Variants in ADGRL3 observed in about 807,000 individuals in gnomAD.
ADGRL3 encodes the protein adhesion G protein-coupled receptor L3.
A neutral mutation model predicts 153.5 loss-of-function variants in ADGRL3; 62 were observed. The ratio of observed to expected loss-of-function variants is 0.40; its 90% CI spans 0.33 to 0.50. The LOEUF is 0.50. Among genes scored for constraint, ADGRL3 ranks in the 20% least tolerant of loss-of-function variants. ADGRL3 has a pLI of 0.47. For synonymous variants in ADGRL3, 710 were observed against 672.5 expected, an observed-to-expected ratio of 1.06 and a Z score of -0.86; for missense variants, 1,641 against 1,859.4, an observed-to-expected ratio of 0.88 and a Z score of 2.16.
chr4:61,765,363 C>T (rs1489379781), intron 8 of ADGRL3, among the ~76,000 whole-genome samples: 1 of 152,078 alleles, frequency 6.6e-6, no homozygotes, highest in Non-Finnish European at 1.5e-5. Flanking sequence ...GGGCTGTACC[C>T]TGTAGCATTC....
At chr4:61,830,694 G>A (rs2097858730) in intron 9 of ADGRL3, among the ~76,000 whole-genome samples, 2 of 152,108 alleles carry the variant, frequency 1.3e-5, no homozygotes, top group Admixed American at 6.5e-5. Context: ...GTAGGAAACC[G>A]AATGCTACAG....
At chr4:61,298,989 A>C (rs1168529532) in intron 1 of ADGRL3, among the ~76,000 whole-genome samples, 2 of 152,202 alleles carry the variant, frequency 1.3e-5, no homozygotes, top group African/African-American at 4.8e-5. Flanking sequence ...AATACCTTTA[A>C]TGCATGCAAG....
At chr4:61,840,240 C>A (rs112370948) in intron 9 of ADGRL3, among the ~76,000 whole-genome samples, 2 of 152,038 alleles carry the variant, frequency 1.3e-5, no homozygotes, top group African/African-American at 4.8e-5. Context: ...CCACCATGTC[C>A]GGCTAATTTT....
chr4:61,776,745 C>T (rs909573736), intron 8 of ADGRL3, among the ~76,000 whole-genome samples: 1 of 152,108 alleles, frequency 6.6e-6, no homozygotes, highest in African/African-American at 2.4e-5. Context: ...ATGAAATCCT[C>T]TGTATTAAGA....
At chr4:61,784,162 A>G (rs959732743) in intron 8 of ADGRL3, among the ~76,000 whole-genome samples, 1 of 152,154 alleles carries the variant, frequency 6.6e-6, no homozygotes, top group Non-Finnish European at 1.5e-5. Context: ...AGAAGATATG[A>G]CAATTTGAAT....
intron 21 of ADGRL3, among the ~76,000 whole-genome samples, chr4:61,999,852 G>T (rs1215511848): frequency 6.6e-6 from 1 of 152,124 alleles, no homozygotes; most frequent in Non-Finnish European, 1.5e-5. Context: ...TTAAAATATA[G>T]TGGTGCAAAA....
chr4:61,922,294 A>G (rs1158570731), intron 13 of ADGRL3, among the ~76,000 whole-genome samples: 3 of 152,292 alleles, frequency 2.0e-5, no homozygotes, highest in East Asian at 3.9e-4. Flanking sequence ...CTGTTTATAA[A>G]TATGTCTTTT....
chr4:62,006,302 C>T (rs1267873494), intron 21 of ADGRL3, among the ~76,000 whole-genome samples: 1 of 151,726 alleles, frequency 6.6e-6, no homozygotes, highest in African/African-American at 2.4e-5. Flanking sequence ...TCCCAAAGTG[C>T]CTGAGCCGCG....
intron 10 of ADGRL3, among the ~76,000 whole-genome samples, chr4:61,893,697 A>G (rs1256172988): frequency 7.0e-6 from 1 of 142,628 alleles, no homozygotes; most frequent in Non-Finnish European, 1.5e-5. Flanking sequence ...TAAGAACTCA[A>G]TATTTCTTTG....
At chr4:61,407,817 CTAAA>C (rs2097023030) in intron 2 of ADGRL3, among the ~76,000 whole-genome samples, 1 of 152,086 alleles carries the variant, frequency 6.6e-6, no homozygotes, top group African/African-American at 2.4e-5. Context: ...TATGTACTCT[CTAAA>C]TGAATGAATT....
intron 1 of ADGRL3, among the ~76,000 whole-genome samples, chr4:61,222,336 G>T (rs907257596): frequency 6.6e-6 from 1 of 151,908 alleles, no homozygotes; most frequent in Non-Finnish European, 1.5e-5. Flanking sequence ...CATATTTATG[G>T]AGTACATAGC....
chr4:61,535,062 T>G (rs1196121055), intron 4 of ADGRL3, among the ~76,000 whole-genome samples: 1 of 151,928 alleles, frequency 6.6e-6, no homozygotes, highest in Non-Finnish European at 1.5e-5. Context: ...AGTATAATGT[T>G]GGCCATTAGT....
chr4:61,892,549 A>T, intron 9 of ADGRL3, 107 bp from the exon 10 acceptor site: 1 of 790,044 alleles, frequency 1.3e-6, no homozygotes, highest in Non-Finnish European at 2.1e-6. Flanking sequence ...CTAGAGCTTT[A>T]AAGCTCTTTG....
intron 5 of ADGRL3, among the ~76,000 whole-genome samples, chr4:61,661,043 A>G (rs961260085): frequency 6.6e-6 from 1 of 152,044 alleles, no homozygotes; most frequent in Non-Finnish European, 1.5e-5. Context: ...GTGTTGCCCT[A>G]TACGTTATTA....
At chr4:61,330,395 C>T (rs977738755) in intron 1 of ADGRL3, among the ~76,000 whole-genome samples, 18 of 152,142 alleles carry the variant, frequency 1.2e-4, no homozygotes, top group African/African-American at 3.9e-4. Flanking sequence ...AATTCTCTCT[C>T]TTGAGCTTAG....
intron 9 of ADGRL3, among the ~76,000 whole-genome samples, chr4:61,874,495 AGGG>A (rs111867151): frequency 3.3e-5 from 5 of 152,168 alleles, no homozygotes; most frequent in African/African-American, 1.2e-4. Flanking sequence ...CCCACATTCA[AGGG>A]GTGGGAAATA....
intron 1 of ADGRL3, among the ~76,000 whole-genome samples, chr4:61,229,630 A>G (rs1179120658): frequency 2.6e-5 from 4 of 152,100 alleles, no homozygotes; most frequent in African/African-American, 9.7e-5. Context: ...GTGAGTCAAA[A>G]CTTTAGGCTG....
Position 61,935,994 on chromosome 4 carries a change from G to T in ADGRL3, c.2368G>T (p.Gly790Ter). 1 of 1,609,320 alleles carries T rather than the reference G, an allele frequency of 6.2e-7. No homozygotes were observed. ...AAAATTTCCAGAAAACATGGGCCAT[G>T]GAAGCACTATCCAGCTGTCTGCAAA... ...DLKFPENMGH[G>*]STIQLSANTL... The change falls in exon 15 of 27, where the codon GGA becomes TGA. Residue 790 changes from glycine (G) to a stop codon, truncating the protein, a stop_gained. Coordinates refer to ENST00000683033, the MANE Select transcript of ADGRL3 (RefSeq NM_001387552.1). LOFTEE classifies it high-confidence loss of function.
At chr4:62,057,705 T>A (rs1737803001) in intron 25 of ADGRL3, among the ~76,000 whole-genome samples, 1 of 152,148 alleles carries the variant, frequency 6.6e-6, no homozygotes, top group Non-Finnish European at 1.5e-5. Flanking sequence ...TGAGACAGGG[T>A]CTTGCTCTGT....
Sources: gnomAD v4.1 joint callset for allele counts (sites outside exome capture counted in the v4.1 genomes callset) on GRCh38, gnomAD v4.1.1 for gene constraint, MANE v1.5 for transcripts, NCBI Gene and HGNC (gene_info 2026-07-23, HGNC 2026-07-21) for gene names.